Variants in MTMR3 observed in about 807,000 individuals in gnomAD.
The protein encoded by MTMR3 is myotubularin related protein 3, also known as phosphatidylinositol-3,5-bisphosphate 3-phosphatase MTMR3.
Under a neutral mutation model 132.4 loss-of-function variants are expected in MTMR3, and 32 were observed. That is an observed-to-expected ratio of 0.24 (90% CI 0.18 to 0.32). The LOEUF (loss-of-function observed/expected upper bound fraction) is 0.32, where lower values mean the gene tolerates loss of function less well. Among genes scored for constraint, MTMR3 ranks in the 10% least tolerant of loss-of-function variants. The pLI is 1.00. For synonymous variants in MTMR3, 556 were observed against 550.3 expected (o/e 1.01, Z -0.14); for missense variants, 1,216 against 1,489.6 (o/e 0.82, Z 3.02).
At chr22:29,897,502 A>T (rs2064925213) in intron 1 of MTMR3, among the ~76,000 whole-genome samples, 1 of 152,010 alleles carries the variant, frequency 6.6e-6, no homozygotes, top group Non-Finnish European at 1.5e-5. Flanking sequence ...GCCCATACTG[A>T]TGTGCAGTGG....
Position 30,019,649 on chromosome 22 carries a change from G to C in MTMR3, c.1990G>C (p.Asp664His). The stretch of plus-strand genomic sequence containing the variant: ...CCCTGGAGAGGATCCCCTTTCTGCC[G>C]ACAGCCTAGGGAAGCCCACCAGAGT... ...AGPGEDPLSA[D>H]SLGKPTRVPG... The change falls in exon 17 of 20, where the codon GAC (aspartate) becomes CAC (histidine). Residue 664 changes from aspartate (D) to histidine (H), a missense_variant. Transcript: ENST00000401950. The C allele has an allele frequency of 6.2e-7, 1 of 1,614,164 alleles. No individual in the cohort carries two copies. Among genetic ancestry groups the C allele is most frequent in the South Asian group, 1.1e-5 (1 of 91,080 alleles).
chr22:29,978,620 T>A, intron 4 of MTMR3, 89 bp downstream of exon 4: 1 of 780,052 alleles, frequency 1.3e-6, no homozygotes, highest in Non-Finnish European at 2.0e-6. Context: ...CGTACTATAT[T>A]ATATATATAT....
intron 1 of MTMR3, among the ~76,000 whole-genome samples, chr22:29,936,398 A>G (rs556076974): frequency 4.1e-4 from 62 of 152,272 alleles, no homozygotes; most frequent in Non-Finnish European, 6.5e-4. Flanking sequence ...GCTGGTGCCC[A>G]TAACAACATA....
At chr22:30,013,220 C>T in intron 13 of MTMR3, 136 bp from the exon 14 acceptor site, 1 of 761,954 alleles carries the variant, frequency 1.3e-6, no homozygotes, top group African/African-American at 1.8e-5. Flanking sequence ...GGGATAGAGC[C>T]TTCCACCAAA....
intron 1 of MTMR3, among the ~76,000 whole-genome samples, chr22:29,954,573 G>A (rs978867275): frequency 1.3e-5 from 2 of 152,144 alleles, no homozygotes; most frequent in African/African-American, 4.8e-5. Context: ...CTCTCGTTTG[G>A]TCCATCTCTT....
chr22:29,939,681 G>A (rs1287202877), intron 1 of MTMR3, among the ~76,000 whole-genome samples: 2 of 151,778 alleles, frequency 1.3e-5, no homozygotes, highest in African/African-American at 2.4e-5. Context: ...CGTAATTGGC[G>A]TAGACTTTCA....
At chr22:29,891,296 GGTATGC>G (rs748734654) in intron 1 of MTMR3, among the ~76,000 whole-genome samples, 226 of 147,704 alleles carry the variant, frequency 1.5e-3, no homozygotes, top group Non-Finnish European at 2.5e-3. Context: ...TACTCCTGGA[GGTATGC>G]GTGTGCGTGT....
At chr22:29,968,392 A>C (rs374580195) in intron 2 of MTMR3, among the ~76,000 whole-genome samples, 1 of 152,208 alleles carries the variant, frequency 6.6e-6, no homozygotes, top group African/African-American at 2.4e-5. Flanking sequence ...CTAAAACACA[A>C]ATATCTTTTG....
chr22:30,018,739 G>GAAAAA (rs111268809), intron 16 of MTMR3: 2 of 139,148 alleles, frequency 1.4e-5, no homozygotes, highest in African/African-American at 2.6e-5. Flanking sequence ...CCTGTCTCAG[G>GAAAAA]AAAAAAAAAA....
intron 1 of MTMR3, among the ~76,000 whole-genome samples, chr22:29,899,104 G>A (rs1301109696): frequency 2.6e-5 from 4 of 152,182 alleles, no homozygotes; most frequent in South Asian, 2.1e-4. Context: ...TACATTTATA[G>A]CATTTACCTC....
At chr22:30,013,099 C>T (rs2067475487) in intron 13 of MTMR3, 1 of 297,118 alleles carries the variant, frequency 3.4e-6, no homozygotes, top group Non-Finnish European at 6.2e-6. Context: ...ACACAAGAGG[C>T]TAAAAATACA....
At chr22:29,910,714 CTTTTT>C (rs78265367) in intron 1 of MTMR3, among the ~76,000 whole-genome samples, 2 of 139,352 alleles carry the variant, frequency 1.4e-5, no homozygotes, top group African/African-American at 5.2e-5. Flanking sequence ...GCCTCTTTTC[CTTTTT>C]TTTTTTTTTA....
intron 1 of MTMR3, among the ~76,000 whole-genome samples, chr22:29,954,059 C>CTTTTTTTTTTTTTTTTTTTTTT (rs59781649): frequency 8.8e-5 from 7 of 79,436 alleles, no homozygotes; most frequent in African/African-American, 2.6e-4. Flanking sequence ...TCAAATGAGT[C>CTTTTTTTTTTTTTTTTTTTTTT]TTTTTTTTTT....
intron 1 of MTMR3, among the ~76,000 whole-genome samples, chr22:29,911,379 CA>C (rs1272204638): frequency 6.6e-6 from 1 of 151,554 alleles, no homozygotes. Flanking sequence ...CTTGTCTCTA[CA>C]AAAAATAAAA....
intron 1 of MTMR3, among the ~76,000 whole-genome samples, chr22:29,907,887 AAG>A (rs910662879): frequency 2.0e-5 from 3 of 152,318 alleles, no homozygotes; most frequent in African/African-American, 7.2e-5. Context: ...AAAGCCAACA[AAG>A]AGCACACTGG....
Position 30,012,455 on chromosome 22 carries a change from T to C in MTMR3, c.1209T>C (p.Asp403=). 1.2e-6 allele frequency: 2 copies of C among 1,614,174 alleles called. No individual in the cohort carries two copies. The highest frequency in any genetic ancestry group is 2.2e-5 in the South Asian group (2 of 91,086). ...KSALLVVHAV[D]QDQRPVLVHC... is the part of the protein sequence containing the mutation. ...CGCTTCTGGTAGTGCATGCTGTGGA[T>C]CAGGATCAGCGGCCGGTGCTAGTAC... Residue 403 remains aspartate, a synonymous_variant, in exon 13 of 20, where the codon GAT becomes GAC. Transcript: ENST00000401950.
rs556048715 is a variant in MTMR3 at position 29,893,908 on chromosome 22, T to G, written c.-138+10549T>G. Among the ~76,000 whole-genome samples the G allele has an allele frequency of 4.5e-3, 680 of 152,242 alleles. 7 individuals carry two copies. Among genetic ancestry groups the G allele is most frequent in the African/African-American group, 0.015 (642 of 41,534 alleles). ...TCACCCAGGCTGGAGTGCAGTGGCG[T>G]GATCTCAGCTCACTGCAACCTCCAC... On this transcript the variant is annotated intron_variant, in intron 1 of 19. Transcript: ENST00000401950.
intron 2 of MTMR3, among the ~76,000 whole-genome samples, chr22:29,962,279 A>G (rs185004094): frequency 1.0e-3 from 153 of 152,290 alleles, no homozygotes; most frequent in Non-Finnish European, 1.9e-3. Context: ...ATACTATACA[A>G]TTCACCCATT....
intron 15 of MTMR3, 113 bp from the exon 16 acceptor site, chr22:30,017,814 C>G (rs2067635150): frequency 3.8e-6 from 5 of 1,325,776 alleles, no homozygotes; most frequent in Non-Finnish European, 5.3e-6. Context: ...TTGTGGAGAT[C>G]CTGTCAGCCC....
Sources: allele counts gnomAD v4.1 joint callset (sites outside exome capture counted in the v4.1 genomes callset), GRCh38; gene constraint gnomAD v4.1.1; transcripts MANE v1.5; gene names NCBI Gene and HGNC (gene_info 2026-07-23, HGNC 2026-07-21).